ESPNL: variants seen among roughly 807,000 people sequenced by gnomAD.
ESPNL encodes espin-like protein.
Under a neutral mutation model 46.8 loss-of-function variants are expected in ESPNL, and 49 were observed. The observed-to-expected ratio is 1.05, with a 90% confidence interval of 0.83 to 1.33. The LOEUF (loss-of-function observed/expected upper bound fraction) is 1.33, where lower values mean the gene tolerates loss of function less well. Ranked by LOEUF, ESPNL falls within the 40% of genes most tolerant of loss-of-function variation. The probability of loss-of-function intolerance (pLI) is 0.00; values close to 1 mark genes in which losing one functional copy is unlikely to be tolerated. For missense variants in ESPNL, 1,540 were observed against 1,436.6 expected (o/e 1.07, Z -1.16); for synonymous variants, 664 against 662.1 (o/e 1.00, Z -0.04).
At position 238,100,473 on chromosome 2, in the gene ESPNL, G is replaced by A; in HGVS notation, c.54G>A (p.Leu18=). 1.2e-6 allele frequency: 2 copies of A among 1,604,376 alleles called. No individual in the cohort carries two copies. The highest frequency in any genetic ancestry group is 1.3e-5 in the African/African-American group (1 of 74,848). ...VAAKDGDVAT[L]ERLLEAGALG... is the part of the protein sequence containing the mutation. ...CCAAGGATGGGGATGTGGCGACGTT[G>A]GAGCGGCTGCTGGAGGCTGGCGCCC... The change falls in exon 1 of 9, where the codon TTG becomes TTA. Residue 18 remains leucine, a synonymous_variant. Coordinates refer to ENST00000343063, the MANE Select transcript of ESPNL (RefSeq NM_194312.4).
chr2:238,124,164 T>C (rs1031139429), intron 5 of ESPNL, among the ~76,000 whole-genome samples: 1 of 152,234 alleles, frequency 6.6e-6, no homozygotes, highest in African/African-American at 2.4e-5. Context: ...AGGCCACATG[T>C]CCAGAATCGT....
intron 6 of ESPNL, among the ~76,000 whole-genome samples, chr2:238,126,790 GTGTT>G (rs1692132647): frequency 2.0e-5 from 3 of 151,316 alleles, no homozygotes; most frequent in Admixed American, 1.3e-4. Context: ...CTGTGTGATT[GTGTT>G]TGTGTATGTC....
Position 238,127,678 on chromosome 2 carries a change from C to G in ESPNL, c.1159C>G (p.Gln387Glu). 6.2e-7 allele frequency: 1 copy of G among 1,612,796 alleles called. No individual in the cohort carries two copies. Among genetic ancestry groups the G allele is most frequent in the Non-Finnish European group, 8.5e-7 (1 of 1,179,614 alleles). Residue 387 changes from glutamine (Q) to glutamate (E), a missense_variant, in exon 7 of 9, where the codon CAG becomes GAG. By Grantham distance (29) the Gln-to-Glu change is conservative (BLOSUM62 2). Transcript: ENST00000343063. Reference sequence around the variant, plus strand: ...TCCTGACCAGCCTCTTCCCAGGGAGCAGATGACCAGCCCGGCCCCTCCGAG... The same window carrying G: ...TCCTGACCAGCCTCTTCCCAGGGAGGAGATGACCAGCCCGGCCCCTCCGAG... ...GHPDQPLPREQMTSPAPPRII... is the reference protein window; with the variant it reads ...GHPDQPLPREEMTSPAPPRII...
chr2:238,131,385 A>G lies in ESPNL; in HGVS notation c.2671A>G (p.Thr891Ala). The part of the protein sequence containing the change: ...LCFEVFEHLG[T>A]HGWEAVRAFH... ...CTTCGAGGTCTTCGAGCACCTGGGCACCCACGGCTGGGAGGCTGTGCGCGC... is the reference window on the plus strand; with the variant it reads ...CTTCGAGGTCTTCGAGCACCTGGGCGCCCACGGCTGGGAGGCTGTGCGCGC... The change falls in exon 9 of 9, where the codon ACC (threonine) becomes GCC (alanine). Residue 891 changes from threonine (T) to alanine (A), a missense_variant. Transcript: ENST00000343063. 1.9e-6 allele frequency: 3 copies of G among 1,605,318 alleles called. No individual in the cohort carries two copies. Among genetic ancestry groups the G allele is most frequent in the Non-Finnish European group, 2.5e-6 (3 of 1,176,838 alleles).
At chr2:238,102,669 C>T (rs774912432) in intron 2 of ESPNL, among the ~76,000 whole-genome samples, 17 of 152,256 alleles carry the variant, frequency 1.1e-4, no homozygotes, top group South Asian at 4.1e-4. Flanking sequence ...GGATGGGCAA[C>T]GAGGAAGGAC....
At position 238,130,381 on chromosome 2, in the gene ESPNL, C is replaced by T; in HGVS notation, c.1667C>T (p.Pro556Leu). 4 of 1,610,794 alleles carry T rather than the reference C, an allele frequency of 2.5e-6. No homozygotes were observed. The highest frequency in any genetic ancestry group is 3.4e-6 in the Non-Finnish European group (4 of 1,179,156). The change falls in exon 9 of 9, where the codon CCC (proline) becomes CTC (leucine). Residue 556 changes from proline (P) to leucine (L), a missense_variant. Pro to Leu is a moderately conservative substitution (Grantham distance 98, BLOSUM62 -3). Coordinates refer to ENST00000343063, the MANE Select transcript of ESPNL (RefSeq NM_194312.4). Reference protein sequence around the residue: ...VSITVNSHFLPRAPGLEVEEA... With the variant: ...VSITVNSHFLLRAPGLEVEEA... ...ATCACGGTCAACAGCCACTTCCTGC[C>T]CCGGGCGCCCGGACTGGAGGTTGAG...
chr2:238,128,711 C>T lies in ESPNL; in HGVS notation c.1220C>T (p.Thr407Ile). ...GACCCACCCCCTTCTGCACAGGGGA[C>T]AGAGACGGCGCTGGCGGGGGACACC... Reference protein sequence around the residue: ...ITSATADPEGTETALAGDTSD... With the variant: ...ITSATADPEGIETALAGDTSD... The change falls in exon 8 of 9, where the codon ACA (threonine) becomes ATA (isoleucine). Residue 407 changes from threonine to isoleucine, a missense_variant. Physicochemically the swap from Thr to Ile is moderately conservative, Grantham distance 89. Coordinates refer to ENST00000343063, the MANE Select transcript of ESPNL (RefSeq NM_194312.4). The T allele has an allele frequency of 6.3e-7, 1 of 1,599,236 alleles. No individual in the cohort carries two copies. The highest frequency in any genetic ancestry group is 8.5e-7 in the Non-Finnish European group (1 of 1,173,870).
chr2:238,100,423 G>A lies in ESPNL; in HGVS notation c.4G>A (p.Glu2Lys). The A allele has an allele frequency of 6.3e-7, 1 of 1,599,670 alleles. No homozygotes were observed. Among genetic ancestry groups the A allele is most frequent in the Non-Finnish European group, 8.5e-7 (1 of 1,175,976 alleles). The change falls in exon 1 of 9, where the codon GAG becomes AAG. Residue 2 changes from glutamate (E) to lysine (K), a missense_variant. Transcript: ENST00000343063. MEKQRALVAAKD... is the reference protein window; with the variant it reads MKKQRALVAAKD... ...CACTGAGAGCCCGGGCCAGAGGATG[G>A]AGAAGCAGCGGGCACTCGTGGCCGC...
Position 238,100,712 on chromosome 2 carries a change from A to C in ESPNL, c.293A>C (p.Gln98Pro). 7.1e-7 allele frequency: 1 copy of C among 1,415,784 alleles called. No homozygotes were observed. Among genetic ancestry groups the C allele is most frequent in the East Asian group, 2.8e-5 (1 of 35,472 alleles). The allele number at this position is 1,415,784 out of a possible 1,614,324, so 87.7% of individuals were successfully genotyped here. A position where few individuals can be genotyped will look rare whatever the true frequency, so the allele number is the denominator to read the frequency against. The part of the protein sequence containing the change: ...WLVREGGCGL[Q>P]DQDASGVSPL... ...GTCCGCGAGGGGGGCTGCGGTCTGC[A>C]GGTGAGCGGGGATGGGGCAGCCTGG... Residue 98 changes from glutamine to proline, a missense_variant and splice_region_variant, in exon 1 of 9, where the codon CAG (glutamine) becomes CCG (proline). By Grantham distance (76) the Gln-to-Pro change is moderately conservative (BLOSUM62 -1). Coordinates refer to ENST00000343063, the MANE Select transcript of ESPNL (RefSeq NM_194312.4).
rs1367836828 is a variant in ESPNL at position 238,130,497 on chromosome 2, C to A, written c.1783C>A (p.His595Asn). 7.5e-6 allele frequency: 12 copies of A among 1,598,430 alleles called. No individual in the cohort carries two copies. Among genetic ancestry groups the A allele is most frequent in the Non-Finnish European group, 1.0e-5 (12 of 1,172,410 alleles). ...GCAGCCCCTGCCCTTCTGGTGCAGC[C>A]ACATCTCCCGCCTGGTACGCAGCCT... Reference protein sequence around the residue: ...GVQPLPFWCSHISRLVRSLSL... With the variant: ...GVQPLPFWCSNISRLVRSLSL... Residue 595 changes from histidine (H) to asparagine (N), a missense_variant, in exon 9 of 9, where the codon CAC becomes AAC. Transcript: ENST00000343063.
In ESPNL at chr2:238,127,338, C is replaced by G. The variant is rs1035820835; in HGVS notation, c.1103-284C>G. The G allele has an allele frequency of 5.0e-5, 62 of 1,245,268 alleles. No homozygotes were observed. In the East Asian group the frequency reaches 1.9e-3, roughly 38 times the overall value. The allele number at this position is 1,245,268 out of a possible 1,614,324, so 77.1% of individuals were successfully genotyped here. ...TGCAGAGCTGCGTTAGGGGCGGCCT[C>G]AAGCCCTTCCCAGCTCCTCCCCTGC... On this transcript the variant is annotated intron_variant, in intron 6 of 8. Coordinates refer to ENST00000343063, the MANE Select transcript of ESPNL (RefSeq NM_194312.4).
intron 7 of ESPNL, 96 bp downstream of exon 7, chr2:238,127,830 A>G: frequency 2.1e-6 from 2 of 936,414 alleles, no homozygotes; most frequent in Non-Finnish European, 3.2e-6. Flanking sequence ...CAGCACAGCC[A>G]GGCCTTTCCT....
chr2:238,128,648 C>T (rs1688381637), intron 7 of ESPNL, 59 bp from the exon 8 acceptor site: 1 of 1,505,354 alleles, frequency 6.6e-7, no homozygotes, highest in Non-Finnish European at 9.0e-7. Flanking sequence ...CTCGGATCTT[C>T]CCTCCACTCA....
In ESPNL at chr2:238,127,706, T is replaced by TCATCAC; in HGVS notation, c.1190_1195dup (p.Ile397_Thr398dup). 6.2e-7 allele frequency: 1 copy of TCATCAC among 1,611,844 alleles called. No homozygotes were observed. Among genetic ancestry groups the TCATCAC allele is most frequent in the Non-Finnish European group, 8.5e-7 (1 of 1,179,318 alleles). Reference sequence around the variant, plus strand: ...ATGACCAGCCCGGCCCCTCCGAGGATCATCACCAGTGCCACGGCTGACCCC... The same window carrying TCATCAC: ...ATGACCAGCCCGGCCCCTCCGAGGATCATCACCATCACCAGTGCCACGGCTGACCCC... On this transcript the variant is annotated inframe_insertion, in exon 7 of 9. Transcript: ENST00000343063.
Position 238,100,767 on chromosome 2 carries a change from G to A in ESPNL, c.294+54G>A, listed in dbSNP as rs1207637894. On this transcript the variant is annotated intron_variant, in intron 1 of 8. Coordinates refer to ENST00000343063, the MANE Select transcript of ESPNL (RefSeq NM_194312.4). ...ACGAAGCTGGCTGGGGTGGAACCAGGGAGGTGTGAGCCACGGAGGATCAGA... is the reference window on the plus strand; with the variant it reads ...ACGAAGCTGGCTGGGGTGGAACCAGAGAGGTGTGAGCCACGGAGGATCAGA... 11 of 1,374,742 alleles carry A rather than the reference G, an allele frequency of 8.0e-6. No individual in the cohort carries two copies. In the East Asian group the frequency reaches 3.3e-4, roughly 41 times the overall value. 85.2% of individuals were successfully genotyped at this position (1,374,742 alleles called of 1,614,324 possible). A position where few individuals can be genotyped will look rare whatever the true frequency, so the allele number is the denominator to read the frequency against.
chr2:238,126,642 CTG>C (rs1164738084), intron 6 of ESPNL, among the ~76,000 whole-genome samples: 1 of 138,594 alleles, frequency 7.2e-6, no homozygotes, highest in South Asian at 2.4e-4. Context: ...TTCTGTGTTT[CTG>C]TGTGATTGTG....
intron 5 of ESPNL, among the ~76,000 whole-genome samples, chr2:238,121,801 G>A (rs1373900435): frequency 6.6e-6 from 1 of 152,252 alleles, no homozygotes; most frequent in Non-Finnish European, 1.5e-5. Context: ...CTTTGGTCCA[G>A]AAAGGTACTA....
In ESPNL at chr2:238,125,290, CCCA is replaced by C. The variant is rs1270365000; in HGVS notation, c.1017_1019del (p.Pro340del). 1 of 1,535,996 alleles carries C rather than the reference CCCA, an allele frequency of 6.5e-7. No homozygotes were observed. Among genetic ancestry groups the C allele is most frequent in the Non-Finnish European group, 8.8e-7 (1 of 1,140,720 alleles). ...CACAGGTGCCCCTGCTGATGACGCCCCCACCACCACCGTTCCCCCCACCTCCAC... is the reference window on the plus strand; with the variant it reads ...CACAGGTGCCCCTGCTGATGACGCCCCCACCACCGTTCCCCCCACCTCCAC... On this transcript the variant is annotated inframe_deletion, in exon 6 of 9. Coordinates refer to ENST00000343063, the MANE Select transcript of ESPNL (RefSeq NM_194312.4).
chr2:238,101,954 CG>C lies in ESPNL; in HGVS notation c.311del (p.Gly104AlafsTer29). 6.2e-7 allele frequency: 1 copy of C among 1,608,606 alleles called. No homozygotes were observed. On this transcript the variant is annotated frameshift_variant, in exon 2 of 9. Transcript: ENST00000343063. LOFTEE classifies it high-confidence loss of function. ...GGCGLQDQDA[S>X]GVSPLHLAAR... ...GGGGCTTGGTAGGACCAAGATGCCT[CG>C]GGCGTCTCCCCGCTGCACCTGGCCG...
Sources: gnomAD v4.1 joint callset for allele counts (sites outside exome capture counted in the v4.1 genomes callset) on GRCh38, gnomAD v4.1.1 for gene constraint, MANE v1.5 for transcripts, NCBI Gene and HGNC (gene_info 2026-07-23, HGNC 2026-07-21) for gene names.